RADIL: variants seen among roughly 807,000 people sequenced by gnomAD.
RADIL encodes ras-associating and dilute domain-containing protein.
RADIL carries 99 observed loss-of-function variants against 97.6 expected under a neutral mutation model. That is an observed-to-expected ratio of 1.01 (90% CI 0.86 to 1.20). The LOEUF (loss-of-function observed/expected upper bound fraction) is 1.20, where lower values mean the gene tolerates loss of function less well. Among genes scored for constraint, RADIL ranks in the 50% most tolerant of loss-of-function variants. The probability of loss-of-function intolerance (pLI) is 0.00; values close to 1 mark genes in which losing one functional copy is unlikely to be tolerated. For synonymous variants in RADIL, 803 were observed against 691.8 expected, an observed-to-expected ratio of 1.16 and a Z score of -2.52; for missense variants, 1,765 against 1,498.9, an observed-to-expected ratio of 1.18 and a Z score of -2.93.
At chr7:4,805,757 T>C (rs570369809) in intron 9 of RADIL, 41 bp from the exon 10 acceptor site, 1 of 1,582,038 alleles carries the variant, frequency 6.3e-7, no homozygotes, top group East Asian at 2.3e-5. Context: ...GGTCTCTGGG[T>C]GCAGACCCCA....
In RADIL at chr7:4,849,138, C is replaced by CAA. The variant is rs199947712; in HGVS notation, c.536-12535_536-12534dup. 1.4e-3 allele frequency among the ~76,000 whole-genome samples: 167 copies of CAA among 120,606 alleles called. No individual in the cohort carries two copies. The highest frequency in any genetic ancestry group is 4.3e-3 in the African/African-American group (153 of 35,760). 79.1% of individuals were successfully genotyped at this position (120,606 alleles called of 152,430 possible). ...GGGCAACAAGAGGGAAATTCTGTCT[C>CAA]AAAAAAAAAAAAAAAAAGGGAATTA... On this transcript the variant is annotated intron_variant, in intron 2 of 14. Coordinates refer to ENST00000399583, the MANE Select transcript of RADIL (RefSeq NM_018059.5). This position sits in a 1 kb window ranked among gnomAD's most constrained non-coding sequence, Gnocchi z 5.4.
chr7:4,850,531 C>T (rs943047461), intron 2 of RADIL, among the ~76,000 whole-genome samples: 3 of 152,274 alleles, frequency 2.0e-5, no homozygotes, highest in East Asian at 1.9e-4. Context: ...CAGCTGGTCA[C>T]GGAAGAGAAG....
Position 4,849,595 on chromosome 7 carries a change from T to C in RADIL, c.536-12990A>G, listed in dbSNP as rs1448512998. 6.6e-6 allele frequency among the ~76,000 whole-genome samples: 1 copy of C among 152,166 alleles called. No homozygotes were observed. The highest frequency in any genetic ancestry group is 1.5e-5 in the Non-Finnish European group (1 of 68,026). On this transcript the variant is annotated intron_variant, in intron 2 of 14. Transcript: ENST00000399583. This position sits in a 1 kb window ranked among gnomAD's most constrained non-coding sequence, Gnocchi z 5.4. Reference sequence around the variant, plus strand: ...AGGCATGAACATGCCTTCCAGCTGTTATCTGCAACAAACCTGCAGACCGAA... The same window carrying C: ...AGGCATGAACATGCCTTCCAGCTGTCATCTGCAACAAACCTGCAGACCGAA...
intron 11 of RADIL, 43 bp from the exon 12 acceptor site, chr7:4,802,038 G>T (rs751965520): frequency 1.5e-5 from 21 of 1,428,134 alleles, no homozygotes. Context: ...GGAGTGGCCA[G>T]GTGGACACAG....
intron 5 of RADIL, 106 bp downstream of exon 5, chr7:4,832,035 T>A: frequency 8.3e-7 from 1 of 1,204,642 alleles, no homozygotes; most frequent in Non-Finnish European, 1.2e-6. Flanking sequence ...AGCCCAGAGC[T>A]GACCCCAAGG....
Position 4,816,441 on chromosome 7 carries a change from G to A in RADIL, c.1753C>T (p.Leu585Phe), listed in dbSNP as rs777930552. 14 of 1,607,690 alleles carry A rather than the reference G, an allele frequency of 8.7e-6. No homozygotes were observed. Among genetic ancestry groups the A allele is most frequent in the Admixed American group, 1.7e-5 (1 of 59,304 alleles). ...SKSLYICLPA[L>F]LECPPFQTER... is the part of the protein sequence containing the mutation. The stretch of plus-strand genomic sequence containing the variant: ...GTCTGGAATGGCGGGCACTCCAGGA[G>A]TGCCGGGAGGCAGATGTACAGGGAC... The change falls in exon 8 of 15, where the codon CTC becomes TTC. Residue 585 changes from leucine to phenylalanine, a missense_variant. Leu to Phe is a conservative substitution (Grantham distance 22, BLOSUM62 0). Coordinates refer to ENST00000399583, the MANE Select transcript of RADIL (RefSeq NM_018059.5).
chr7:4,882,368 G>A (rs1232283229), intron 1 of RADIL, among the ~76,000 whole-genome samples: 2 of 152,204 alleles, frequency 1.3e-5, no homozygotes, highest in African/African-American at 2.4e-5. Context: ...TGCCCCATTC[G>A]CTCCTCTGTG....
chr7:4,857,140 G>A (rs1783853055), intron 2 of RADIL, among the ~76,000 whole-genome samples: 1 of 152,126 alleles, frequency 6.6e-6, no homozygotes, highest in African/African-American at 2.4e-5. Flanking sequence ...ATTTTATGTT[G>A]AGGCTGAGTT....
At position 4,804,376 on chromosome 7, in the gene RADIL, CG is replaced by C. The variant is rs147108904; in HGVS notation, c.2291-623del. ...TGTTCTCCACGGTGACCCGGGGCTG[CG>C]GGGGGGCATCCAAGGCCCCATCGCC... On this transcript the variant is annotated intron_variant, in intron 10 of 14. Coordinates refer to ENST00000399583, the MANE Select transcript of RADIL (RefSeq NM_018059.5). Among the ~76,000 whole-genome samples, 470 of 152,322 alleles carry C rather than the reference CG, an allele frequency of 3.1e-3. 6 individuals are homozygous for C. Among genetic ancestry groups the C allele is most frequent in the African/African-American group, 0.011 (458 of 41,576 alleles).
intron 9 of RADIL, among the ~76,000 whole-genome samples, chr7:4,811,447 C>G (rs1343064439): frequency 7.7e-6 from 1 of 129,052 alleles, no homozygotes; most frequent in Non-Finnish European, 1.7e-5. Flanking sequence ...TTTCTACTTT[C>G]TGGTAAGAAT....
intron 5 of RADIL, among the ~76,000 whole-genome samples, chr7:4,828,267 G>T (rs1783051052): frequency 6.6e-6 from 1 of 152,198 alleles, no homozygotes; most frequent in Non-Finnish European, 1.5e-5. Flanking sequence ...AGACCAGCCT[G>T]GGCCAACATA....
Position 4,840,039 on chromosome 7 carries a change from G to A in RADIL, c.536-3434C>T, listed in dbSNP as rs1233608406. Among the ~76,000 whole-genome samples, 7 of 152,174 alleles carry A rather than the reference G, an allele frequency of 4.6e-5. No homozygotes were observed. Among genetic ancestry groups the A allele is most frequent in the Admixed American group, 2.6e-4 (4 of 15,274 alleles). On this transcript the variant is annotated intron_variant, in intron 2 of 14. Transcript: ENST00000399583. This position sits in a 1 kb window ranked among gnomAD's most constrained non-coding sequence, Gnocchi z 5.6. ...GTTGGAATTACAGGCGTGAGCCACC[G>A]CGCCCAGCATAAACACTTTTGTTAA...
At position 4,854,661 on chromosome 7, in the gene RADIL, T is replaced by A. The variant is rs959760882; in HGVS notation, c.536-18056A>T. 6.6e-6 allele frequency among the ~76,000 whole-genome samples: 1 copy of A among 152,124 alleles called. No homozygotes were observed. Among genetic ancestry groups the A allele is most frequent in the African/African-American group, 2.4e-5 (1 of 41,420 alleles). On this transcript the variant is annotated intron_variant, in intron 2 of 14. Coordinates refer to ENST00000399583, the MANE Select transcript of RADIL (RefSeq NM_018059.5). This position sits in a 1 kb window ranked among gnomAD's most constrained non-coding sequence, Gnocchi z 5.1. Reference sequence around the variant, plus strand: ...GTGAGCCGAGATGGCGCCACCGCACTCCACCCTGGGCGACAGAGCGAGACT... The same window carrying A: ...GTGAGCCGAGATGGCGCCACCGCACACCACCCTGGGCGACAGAGCGAGACT...
At chr7:4,802,297 C>A (rs1174036214) in intron 11 of RADIL, among the ~76,000 whole-genome samples, 3 of 149,636 alleles carry the variant, frequency 2.0e-5, no homozygotes, top group Non-Finnish European at 2.9e-5. Context: ...GGCTGGGGGG[C>A]CCCCTCCCCA....
chr7:4,820,193 C>T (rs372471715), intron 6 of RADIL, among the ~76,000 whole-genome samples: 24 of 152,330 alleles, frequency 1.6e-4, no homozygotes, highest in African/African-American at 5.0e-4. Flanking sequence ...CACCCTTGGC[C>T]GGCCGCAACT....
At chr7:4,855,378 C>G (rs1057440511) in intron 2 of RADIL, among the ~76,000 whole-genome samples, 1 of 151,810 alleles carries the variant, frequency 6.6e-6, no homozygotes, top group African/African-American at 2.4e-5. Flanking sequence ...CTCTGGTCAC[C>G]CCAAAGACTA....
chr7:4,805,059 A>G (rs1023224940), intron 10 of RADIL, among the ~76,000 whole-genome samples: 1 of 152,110 alleles, frequency 6.6e-6, no homozygotes, highest in African/African-American at 2.4e-5. Flanking sequence ...GCACCACTGC[A>G]CTCCAGCCTG....
intron 2 of RADIL, among the ~76,000 whole-genome samples, chr7:4,871,210 GT>G (rs1784246215): frequency 1.3e-5 from 2 of 152,226 alleles, no homozygotes; most frequent in African/African-American, 4.8e-5. Flanking sequence ...GTGGCAGTGA[GT>G]TATTCCCATG....
chr7:4,811,278 C>T (rs1176000248), intron 9 of RADIL: 2 of 152,058 alleles, frequency 1.3e-5, no homozygotes. Context: ...CACCAATACA[C>T]TCGGACCAGC....
Sources: gnomAD v4.1 joint callset for allele counts (sites outside exome capture counted in the v4.1 genomes callset) on GRCh38, gnomAD v4.1.1 for gene constraint, Gnocchi (gnomAD v3.1) non-coding constraint, MANE v1.5 for transcripts, NCBI Gene and HGNC (gene_info 2026-07-23, HGNC 2026-07-21) for gene names.